Variants in MSRA observed in about 807,000 individuals in gnomAD.
MSRA encodes the protein mitochondrial peptide methionine sulfoxide reductase.
MSRA carries 54 observed loss-of-function variants against 31.3 expected under a neutral mutation model. The observed-to-expected ratio is 1.73, with a 90% CI of 1.39 to 2.17. The LOEUF is 2.17. Among genes scored for constraint, MSRA ranks in the 30% most tolerant of loss-of-function variants. The pLI is 0.00. For synonymous variants in MSRA, 169 were observed against 116.5 expected, an observed-to-expected ratio of 1.45 and a Z score of -2.90; for missense variants, 507 against 300.9, an observed-to-expected ratio of 1.69 and a Z score of -5.07.
intron 5 of MSRA, among the ~76,000 whole-genome samples, chr8:10,345,016 T>G (rs1049020201): frequency 1.3e-5 from 2 of 152,086 alleles, no homozygotes; most frequent in African/African-American, 4.8e-5. Context: ...CAGGGCTCAG[T>G]TGGGAAGATG....
intron 2 of MSRA, among the ~76,000 whole-genome samples, chr8:10,242,270 C>CAA (rs11368200): frequency 3.6e-5 from 5 of 138,826 alleles, no homozygotes; most frequent in African/African-American, 2.8e-5. Context: ...GACTCCATCT[C>CAA]AAAAAAAAAA....
At chr8:10,062,023 C>G (rs1797222222) in intron 1 of MSRA, among the ~76,000 whole-genome samples, 1 of 152,168 alleles carries the variant, frequency 6.6e-6, no homozygotes, top group African/African-American at 2.4e-5. Flanking sequence ...GAAAGGAGGA[C>G]AGCTGAGGCA....
chr8:10,067,468 A>C (rs1342618206), intron 1 of MSRA, among the ~76,000 whole-genome samples: 1 of 152,206 alleles, frequency 6.6e-6, no homozygotes, highest in Non-Finnish European at 1.5e-5. Flanking sequence ...TTGTTTTGGC[A>C]GTTATGAATA....
chr8:10,376,298 A>C (rs983950105), intron 5 of MSRA, among the ~76,000 whole-genome samples: 1 of 152,238 alleles, frequency 6.6e-6, no homozygotes, highest in Non-Finnish European at 1.5e-5. Flanking sequence ...TCTACAATGC[A>C]GCCAGGAACA....
chr8:10,281,198 C>A (rs1413516812), intron 3 of MSRA, among the ~76,000 whole-genome samples: 1 of 152,162 alleles, frequency 6.6e-6, no homozygotes, highest in Non-Finnish European at 1.5e-5. Context: ...GAGAAAAAAG[C>A]ATTTTCTACC....
intron 5 of MSRA, among the ~76,000 whole-genome samples, chr8:10,390,567 G>A (rs969888349): frequency 2.6e-5 from 4 of 152,128 alleles, no homozygotes; most frequent in South Asian, 2.1e-4. Flanking sequence ...TGAAATCGTC[G>A]TACATCTGCC....
At chr8:10,073,295 A>T (rs1291481568) in intron 1 of MSRA, among the ~76,000 whole-genome samples, 1 of 152,064 alleles carries the variant, frequency 6.6e-6, no homozygotes, top group Non-Finnish European at 1.5e-5. Flanking sequence ...GTTCCTCTTT[A>T]TTCCTAACTT....
intron 5 of MSRA, among the ~76,000 whole-genome samples, chr8:10,333,406 A>T (rs896905252): frequency 2.6e-5 from 4 of 152,208 alleles, no homozygotes; most frequent in African/African-American, 9.6e-5. Context: ...AAGAGCAGGA[A>T]ATGGAACCTA....
intron 5 of MSRA, among the ~76,000 whole-genome samples, chr8:10,364,605 C>G (rs1805050353): frequency 6.6e-6 from 1 of 152,204 alleles, no homozygotes; most frequent in Non-Finnish European, 1.5e-5. Context: ...TTTTTACATT[C>G]CACTTGACAG....
intron 3 of MSRA, among the ~76,000 whole-genome samples, chr8:10,256,048 A>G (rs558539141): frequency 6.6e-6 from 1 of 152,184 alleles, no homozygotes; most frequent in East Asian, 1.9e-4. Context: ...GACATGTATA[A>G]TGAGTGACCT....
intron 2 of MSRA, among the ~76,000 whole-genome samples, chr8:10,243,879 C>A (rs1797469784): frequency 6.6e-6 from 1 of 152,000 alleles, no homozygotes. Flanking sequence ...TTTTTTACTG[C>A]ATTAAATTTT....
chr8:10,273,504 A>G (rs1429087996), intron 3 of MSRA, among the ~76,000 whole-genome samples: 1 of 152,212 alleles, frequency 6.6e-6, no homozygotes, highest in Non-Finnish European at 1.5e-5. Flanking sequence ...TAAATGAATT[A>G]CTGTTCATAA....
At chr8:10,140,524 T>G (rs1188825220) in intron 1 of MSRA, among the ~76,000 whole-genome samples, 2 of 152,224 alleles carry the variant, frequency 1.3e-5, no homozygotes, top group Admixed American at 1.3e-4. Flanking sequence ...TGGCCTATAA[T>G]AAATTCACGT....
At chr8:10,283,746 A>G (rs937892207) in intron 3 of MSRA, among the ~76,000 whole-genome samples, 7 of 144,412 alleles carry the variant, frequency 4.8e-5, no homozygotes, top group African/African-American at 1.5e-4. Context: ...AGTCTCATCC[A>G]GGTTGCTGTG....
chr8:10,080,724 A>C (rs1798249791), intron 1 of MSRA, among the ~76,000 whole-genome samples: 1 of 146,316 alleles, frequency 6.8e-6, no homozygotes. Context: ...TTTCTAGTAG[A>C]GATGAGGTCT....
At chr8:10,210,789 A>G (rs1039797360) in intron 2 of MSRA, among the ~76,000 whole-genome samples, 81 of 150,832 alleles carry the variant, frequency 5.4e-4, no homozygotes, top group African/African-American at 1.9e-3. Context: ...GCTGGAGTGC[A>G]CTGGCACGAT....
chr8:10,140,887 C>T (rs1196804693), intron 1 of MSRA, among the ~76,000 whole-genome samples: 2 of 151,970 alleles, frequency 1.3e-5, no homozygotes, highest in Non-Finnish European at 2.9e-5. Flanking sequence ...CAGACACACT[C>T]GGAGACTTCA....
At chr8:10,208,131 CTGAG>C (rs1226017889) in intron 2 of MSRA, among the ~76,000 whole-genome samples, 1 of 152,052 alleles carries the variant, frequency 6.6e-6, no homozygotes, top group Non-Finnish European at 1.5e-5. Flanking sequence ...ACGTATCAAA[CTGAG>C]TATTTGCTAT....
intron 5 of MSRA, among the ~76,000 whole-genome samples, chr8:10,356,551 G>C (rs1177414553): frequency 2.0e-5 from 3 of 152,176 alleles, no homozygotes. Context: ...AAATTCCTTT[G>C]TTGAAATTTT....
Sources: allele counts gnomAD v4.1 joint callset (sites outside exome capture counted in the v4.1 genomes callset), GRCh38; gene constraint gnomAD v4.1.1; transcripts MANE v1.5; gene names NCBI Gene and HGNC (gene_info 2026-07-23, HGNC 2026-07-21).